Variants in H1-3 observed in about 807,000 individuals in gnomAD.
H1-3 encodes H1.3 linker histone, cluster member, also known as histone H1.3.
Under a neutral mutation model 3.6 loss-of-function variants are expected in H1-3, and 4 were observed. That is an observed-to-expected ratio of 1.12 (90% CI 0.55 to 2.57). The LOEUF (loss-of-function observed/expected upper bound fraction) is 2.57, where lower values mean the gene tolerates loss of function less well. Among genes scored for constraint, H1-3 ranks in the 30% most tolerant of loss-of-function variants. H1-3 has a pLI of 0.02. For synonymous variants in H1-3, 266 were observed against 110.0 expected (o/e 2.42, Z -8.87); for missense variants, 670 against 274.3 (o/e 2.44, Z -10.19).
chr6:26,234,444 T>C lies in H1-3; in HGVS notation c.490A>G (p.Thr164Ala), dbSNP rs768105264. The change falls in exon 1 of 1, where the codon ACC becomes GCC. Residue 164 changes from threonine to alanine, a missense_variant. By Grantham distance (58) the Thr-to-Ala change is moderately conservative (BLOSUM62 0). Coordinates refer to ENST00000244534, the MANE Select transcript of H1-3 (RefSeq NM_005320.3). Reference sequence around the variant, plus strand: ...GCCACTTTCTTGGTCCCAGCAGCGGTTGCTGGCTTCTTTACCTTCTTAGGA... The same window carrying C: ...GCCACTTTCTTGGTCCCAGCAGCGGCTGCTGGCTTCTTTACCTTCTTAGGA... ...KTPKKVKKPATAAGTKKVAKS... is the reference protein window; with the variant it reads ...KTPKKVKKPAAAAGTKKVAKS... 9.5e-5 allele frequency: 154 copies of C among 1,614,034 alleles called. No homozygotes were observed. The highest frequency in any genetic ancestry group is 1.2e-4 in the Non-Finnish European group (145 of 1,179,980).
At position 26,234,962 on chromosome 6, in the gene H1-3, G is replaced by A. The variant is rs201283893; in HGVS notation, c.-29C>T. On this transcript the variant is annotated 5_prime_UTR_variant, in exon 1 of 1. Transcript: ENST00000244534. ...TTTGTCTTCCCAGAAAAGACAATAAGTAATCTCAAACTGTCAGAACAGCAT... is the reference window on the plus strand; with the variant it reads ...TTTGTCTTCCCAGAAAAGACAATAAATAATCTCAAACTGTCAGAACAGCAT... 60 of 1,567,448 alleles carry A rather than the reference G, an allele frequency of 3.8e-5. No individual in the cohort carries two copies. Among genetic ancestry groups the A allele is most frequent in the East Asian group, 8.9e-5 (4 of 44,734 alleles).
chr6:26,234,817 G>A lies in H1-3; in HGVS notation c.117C>T (p.Pro39=), dbSNP rs551606847. The A allele has an allele frequency of 1.1e-5, 17 of 1,614,218 alleles. No homozygotes were observed. In the Admixed American group the frequency reaches 1.8e-4, roughly 17 times the overall value. Residue 39 remains proline, a synonymous_variant, in exon 1 of 1, where the codon CCC becomes CCT. Coordinates refer to ENST00000244534, the MANE Select transcript of H1-3 (RefSeq NM_005320.3). ...ATAGKRKASG[P]PVSELITKAV... is the part of the protein sequence containing the mutation. ...CCTTGGTGATAAGCTCAGATACTGG[G>A]GGTCCGGATGCTTTGCGTTTCCCAG...
rs140636459 is a variant in H1-3 at position 26,234,742 on chromosome 6, C to T, written c.192G>A (p.Lys64=). The T allele has an allele frequency of 5.0e-6, 8 of 1,613,956 alleles. No individual in the cohort carries two copies. The highest frequency in any genetic ancestry group is 2.2e-5 in the East Asian group (1 of 44,896). ...ERSGVSLAAL[K]KALAAAGYDV... ...CGTAGCCAGCAGCCGCAAGCGCTTT[C>T]TTAAGCGCGGCCAGAGAAACGCCGC... is the stretch of plus-strand genomic sequence containing the variant. The change falls in exon 1 of 1, where the codon AAG becomes AAA. Residue 64 remains lysine (K), a synonymous_variant. Coordinates refer to ENST00000244534, the MANE Select transcript of H1-3 (RefSeq NM_005320.3).
chr6:26,234,882 T>C lies in H1-3; in HGVS notation c.52A>G (p.Thr18Ala), dbSNP rs1225421203. The C allele has an allele frequency of 2.5e-6, 4 of 1,612,874 alleles. No homozygotes were observed. Among genetic ancestry groups the C allele is most frequent in the Admixed American group, 1.7e-5 (1 of 59,610 alleles). Residue 18 changes from threonine (T) to alanine (A), a missense_variant, in exon 1 of 1, where the codon ACA becomes GCA. Transcript: ENST00000244534. ...APTIPAPAEKTPVKKKAKKAG... is the reference protein window; with the variant it reads ...APTIPAPAEKAPVKKKAKKAG... ...TTCTTCGCCTTTTTCTTCACAGGTGTTTTTTCTGCGGGTGCAGGAATGGTA... is the reference window on the plus strand; with the variant it reads ...TTCTTCGCCTTTTTCTTCACAGGTGCTTTTTCTGCGGGTGCAGGAATGGTA...
chr6:26,234,344 T>A lies in H1-3; in HGVS notation c.590A>T (p.Lys197Met). ...CGACTTAGGCTTGGCCGCCTTGGGCTTAGGGGCTTTGGCCTTAGCTGGACT... is the reference window on the plus strand; with the variant it reads ...CGACTTAGGCTTGGCCGCCTTGGGCATAGGGGCTTTGGCCTTAGCTGGACT... Reference protein sequence around the residue: ...AKSPAKAKAPKPKAAKPKSGK... With the variant: ...AKSPAKAKAPMPKAAKPKSGK... Residue 197 changes from lysine (K) to methionine (M), a missense_variant, in exon 1 of 1, where the codon AAG becomes ATG. By Grantham distance (95) the Lys-to-Met change is moderately conservative (BLOSUM62 -1). Transcript: ENST00000244534. The A allele has an allele frequency of 6.2e-7, 1 of 1,614,258 alleles. No homozygotes were observed. The highest frequency in any genetic ancestry group is 8.5e-7 in the Non-Finnish European group (1 of 1,180,040).
In H1-3 at chr6:26,234,776, T is replaced by C. The variant is rs202171620; in HGVS notation, c.158A>G (p.Lys53Arg). The C allele has an allele frequency of 3.7e-6, 6 of 1,614,246 alleles. No individual in the cohort carries two copies. In the African/African-American group the frequency reaches 6.7e-5, roughly 18 times the overall value. The change falls in exon 1 of 1, where the codon AAG becomes AGG. Residue 53 changes from lysine (K) to arginine (R), a missense_variant. Lys to Arg is a conservative substitution (Grantham distance 26). Coordinates refer to ENST00000244534, the MANE Select transcript of H1-3 (RefSeq NM_005320.3). ...ELITKAVAASKERSGVSLAAL... is the reference protein window; with the variant it reads ...ELITKAVAASRERSGVSLAAL... The stretch of plus-strand genomic sequence containing the variant: ...GGCCAGAGAAACGCCGCTGCGCTCC[T>C]TAGAAGCTGCCACTGCCTTGGTGAT...
At position 26,234,823 on chromosome 6, in the gene H1-3, G is replaced by C. The variant is rs372659859; in HGVS notation, c.111C>G (p.Ser37=). ...AGATAGKRKA[S]GPPVSELITK... The stretch of plus-strand genomic sequence containing the variant: ...TGATAAGCTCAGATACTGGGGGTCC[G>C]GATGCTTTGCGTTTCCCAGCAGTTG... Residue 37 remains serine, a synonymous_variant, in exon 1 of 1, where the codon TCC becomes TCG. Coordinates refer to ENST00000244534, the MANE Select transcript of H1-3 (RefSeq NM_005320.3). 16 of 1,614,090 alleles carry C rather than the reference G, an allele frequency of 9.9e-6. No homozygotes were observed. Among genetic ancestry groups the C allele is most frequent in the Non-Finnish European group, 1.4e-5 (16 of 1,180,048 alleles).
In H1-3 at chr6:26,234,986, A is replaced by C; in HGVS notation, c.-53T>G. 1 of 1,502,960 alleles carries C rather than the reference A, an allele frequency of 6.7e-7. No homozygotes were observed. Among genetic ancestry groups the C allele is most frequent in the Non-Finnish European group, 9.0e-7 (1 of 1,114,356 alleles). The allele number at this position is 1,502,960 out of a possible 1,614,324, so 93.1% of individuals were successfully genotyped here. A position where few individuals can be genotyped will look rare whatever the true frequency, so the allele number is the denominator to read the frequency against. On this transcript the variant is annotated 5_prime_UTR_variant, in exon 1 of 1. The change abolishes an upstream ATG in the 5' untranslated region. Transcript: ENST00000244534. ...AGTAATCTCAAACTGTCAGAACAGC[A>C]TGTCCTCTACGAGGGAGGCTGAGGG...
At position 26,234,222 on chromosome 6, in the gene H1-3, TGA is replaced by T; in HGVS notation, c.*44_*45del. On this transcript the variant is annotated 3_prime_UTR_variant, in exon 1 of 1. Coordinates refer to ENST00000244534, the MANE Select transcript of H1-3 (RefSeq NM_005320.3). Reference sequence around the variant, plus strand: ...TTTGACTGAGACCTGTGGGTGGCTCTGAAAAGAGCCGTTTAAAATTTTCAAAG... The same window carrying T: ...TTTGACTGAGACCTGTGGGTGGCTCTAAAGAGCCGTTTAAAATTTTCAAAG... 1 of 1,546,094 alleles carries T rather than the reference TGA, an allele frequency of 6.5e-7. No homozygotes were observed. The highest frequency in any genetic ancestry group is 8.7e-7 in the Non-Finnish European group (1 of 1,150,762).
In H1-3 at chr6:26,234,288, C is replaced by G. The variant is rs202225825; in HGVS notation, c.646G>C (p.Ala216Pro). 1.2e-4 allele frequency: 194 copies of G among 1,596,614 alleles called. No homozygotes were observed. Among genetic ancestry groups the G allele is most frequent in the Admixed American group, 9.9e-4 (54 of 54,456 alleles). ...CAGTTTCACTTTTTCTTCGGAGCTG[C>G]CTTCTTTGCCTTTGTAACCTTCGGC... ...GKPKVTKAKK[A>P]APKKK is the part of the protein sequence containing the mutation. Residue 216 changes from alanine (A) to proline (P), a missense_variant, in exon 1 of 1, where the codon GCA (alanine) becomes CCA (proline). Ala to Pro is a conservative substitution (Grantham distance 27). Transcript: ENST00000244534.
rs537346008 is a variant in H1-3 at position 26,234,679 on chromosome 6, G to A, written c.255C>T (p.Leu85=). Reference sequence around the variant, plus strand: ...GAGTACCTTTGCTCACCAAGCTCTTGAGGCCAAGCTTGATACGGCTGTTGT... The same window carrying A: ...GAGTACCTTTGCTCACCAAGCTCTTAAGGCCAAGCTTGATACGGCTGTTGT... ...EKNNSRIKLG[L]KSLVSKGTLV... is the part of the protein sequence containing the mutation. Residue 85 remains leucine, a synonymous_variant, in exon 1 of 1, where the codon CTC becomes CTT. Transcript: ENST00000244534. The A allele has an allele frequency of 6.2e-7, 1 of 1,614,150 alleles. No individual in the cohort carries two copies. Among genetic ancestry groups the A allele is most frequent in the Non-Finnish European group, 8.5e-7 (1 of 1,180,024 alleles).
At position 26,234,704 on chromosome 6, in the gene H1-3, TTTTTTTC is replaced by T; in HGVS notation, c.223_229del (p.Glu75ThrfsTer13). ...GAGGCCAAGCTTGATACGGCTGTTGTTTTTTTCTACATCGTAGCCAGCAGCCGCAAGC... is the reference window on the plus strand; with the variant it reads ...GAGGCCAAGCTTGATACGGCTGTTGTTACATCGTAGCCAGCAGCCGCAAGC... On this transcript the variant is annotated frameshift_variant, in exon 1 of 1. Coordinates refer to ENST00000244534, the MANE Select transcript of H1-3 (RefSeq NM_005320.3). LOFTEE classifies it high-confidence loss of function. 1 of 1,613,636 alleles carries T rather than the reference TTTTTTTC, an allele frequency of 6.2e-7. No homozygotes were observed.
At position 26,234,496 on chromosome 6, in the gene H1-3, A is replaced by G. The variant is rs1176713429; in HGVS notation, c.438T>C (p.Ala146=). 1.2e-6 allele frequency: 2 copies of G among 1,613,852 alleles called. No homozygotes were observed. The highest frequency in any genetic ancestry group is 1.7e-4 in the Middle Eastern group (1 of 5,924). ...AKKPKKVAGA[A]TPKKSIKKTP... is the part of the protein sequence containing the mutation. ...TCTTTTTGATGCTTTTCTTCGGGGT[A>G]GCGGCGCCAGCCACCTTCTTGGGCT... The change falls in exon 1 of 1, where the codon GCT becomes GCC. Residue 146 remains alanine, a synonymous_variant. Transcript: ENST00000244534.
In H1-3 at chr6:26,234,769, G is replaced by C; in HGVS notation, c.165C>G (p.Arg55=). 6.2e-7 allele frequency: 1 copy of C among 1,614,214 alleles called. No homozygotes were observed. Among genetic ancestry groups the C allele is most frequent in the African/African-American group, 1.3e-5 (1 of 75,042 alleles). ...TAAGCGCGGCCAGAGAAACGCCGCT[G>C]CGCTCCTTAGAAGCTGCCACTGCCT... The part of the protein sequence containing the change: ...ITKAVAASKE[R]SGVSLAALKK... The change falls in exon 1 of 1, where the codon CGC becomes CGG. Residue 55 remains arginine, a synonymous_variant. Transcript: ENST00000244534.
In H1-3 at chr6:26,234,400, C is replaced by A. The variant is rs746902474; in HGVS notation, c.534G>T (p.Val178=). 1.9e-6 allele frequency: 3 copies of A among 1,614,096 alleles called. No individual in the cohort carries two copies. The highest frequency in any genetic ancestry group is 1.1e-5 in the South Asian group (1 of 91,094). Residue 178 remains valine (V), a synonymous_variant, in exon 1 of 1, where the codon GTG becomes GTT. Coordinates refer to ENST00000244534, the MANE Select transcript of H1-3 (RefSeq NM_005320.3). ...CAGCTTTTTTTGGCTGAGGTGTTTT[C>A]ACCTTTTTCGCACTCTTGGCCACTT... ...TKKVAKSAKK[V]KTPQPKKAAK...
In H1-3 at chr6:26,234,832, G is replaced by A. The variant is rs367665999; in HGVS notation, c.102C>T (p.Arg34=). 35 of 1,614,092 alleles carry A rather than the reference G, an allele frequency of 2.2e-5. 1 individual carries two copies. The highest frequency in any genetic ancestry group is 6.6e-5 in the South Asian group (6 of 91,088). ...AKKAGATAGK[R]KASGPPVSEL... ...CAGATACTGGGGGTCCGGATGCTTT[G>A]CGTTTCCCAGCAGTTGCGCCTGCCT... The change falls in exon 1 of 1, where the codon CGC becomes CGT. Residue 34 remains arginine, a synonymous_variant. Coordinates refer to ENST00000244534, the MANE Select transcript of H1-3 (RefSeq NM_005320.3).
chr6:26,234,303 T>TAA lies in H1-3; in HGVS notation c.629_630dup (p.Thr211LeufsTer?). 1 of 1,607,862 alleles carries TAA rather than the reference T, an allele frequency of 6.2e-7. No individual in the cohort carries two copies. Among genetic ancestry groups the TAA allele is most frequent in the Non-Finnish European group, 8.5e-7 (1 of 1,178,264 alleles). ...TTCGGAGCTGCCTTCTTTGCCTTTG[T>TAA]AACCTTCGGCTTCCCCGACTTAGGC... On this transcript the variant is annotated frameshift_variant, in exon 1 of 1. Coordinates refer to ENST00000244534, the MANE Select transcript of H1-3 (RefSeq NM_005320.3). LOFTEE classifies it high-confidence loss of function.
At position 26,234,949 on chromosome 6, in the gene H1-3, G is replaced by C. The variant is rs544145459; in HGVS notation, c.-16C>G. On this transcript the variant is annotated 5_prime_UTR_variant, in exon 1 of 1. Transcript: ENST00000244534. ...TCTCCGACATGTTTTTGTCTTCCCA[G>C]AAAAGACAATAAGTAATCTCAAACT... The C allele has an allele frequency of 5.2e-5, 82 of 1,583,786 alleles. 1 individual carries two copies. Among genetic ancestry groups the C allele is most frequent in the Non-Finnish European group, 1.7e-6 (2 of 1,168,144 alleles).
rs201679688 is a variant in H1-3, at chr6:26,234,827, G to A, written c.107C>T (p.Ala36Val). ...KAGATAGKRK[A>V]SGPPVSELIT... ...AAGCTCAGATACTGGGGGTCCGGAT[G>A]CTTTGCGTTTCCCAGCAGTTGCGCC... The change falls in exon 1 of 1, where the codon GCA becomes GTA. Residue 36 changes from alanine (A) to valine (V), a missense_variant. Physicochemically the swap from Ala to Val is moderately conservative, Grantham distance 64 (BLOSUM62 0). Coordinates refer to ENST00000244534, the MANE Select transcript of H1-3 (RefSeq NM_005320.3). 1.4e-5 allele frequency: 23 copies of A among 1,614,236 alleles called. No individual in the cohort carries two copies. The highest frequency in any genetic ancestry group is 9.9e-5 in the South Asian group (9 of 91,088).
Sources: gnomAD v4.1 joint callset for allele counts on GRCh38, gnomAD v4.1.1 for gene constraint, MANE v1.5 for transcripts, NCBI Gene and HGNC (gene_info 2026-07-23, HGNC 2026-07-21) for gene names.